Variants in CPXM2 observed in about 807,000 individuals in gnomAD.
CPXM2 encodes the protein carboxypeptidase X, M14 family member 2, also known as inactive carboxypeptidase-like protein X2.
A neutral mutation model predicts 86.1 loss-of-function variants in CPXM2; 66 were observed. The observed-to-expected ratio is 0.77, with a 90% CI of 0.63 to 0.94. The LOEUF is 0.94. Among genes scored for constraint, CPXM2 ranks in the 40% least tolerant of loss-of-function variants. The pLI is 0.00. For missense variants in CPXM2, 948 were observed against 1,026.3 expected, an observed-to-expected ratio of 0.92 and a Z score of 1.04; for synonymous variants, 388 against 400.2, an observed-to-expected ratio of 0.97 and a Z score of 0.36.
intron 1 of CPXM2, among the ~76,000 whole-genome samples, chr10:123,884,607 G>T (rs576199316): frequency 2.6e-5 from 4 of 152,188 alleles, no homozygotes; most frequent in South Asian, 2.1e-4. Flanking sequence ...AGCCCGGGGG[G>T]AGGCTGTGGG....
At chr10:123,825,215 G>A (rs893562326) in intron 4 of CPXM2, among the ~76,000 whole-genome samples, 3 of 152,180 alleles carry the variant, frequency 2.0e-5, no homozygotes, top group Non-Finnish European at 4.4e-5. Flanking sequence ...CAGTGTGTAT[G>A]TGTGTATGTA....
chr10:123,867,098 C>G (rs1944804615), intron 2 of CPXM2, among the ~76,000 whole-genome samples: 1 of 152,218 alleles, frequency 6.6e-6, no homozygotes, highest in African/African-American at 2.4e-5. Context: ...TACCCACCTT[C>G]CCCAAATCCC....
Position 123,854,949 on chromosome 10 carries a change from G to A in CPXM2, c.513+7665C>T, listed in dbSNP as rs557417449. On this transcript the variant is annotated intron_variant, in intron 3 of 13. Transcript: ENST00000241305. ...TTCCTTAATAATCTGTGGTTCATGG[G>A]TCAAGGAGGCTTTGGTGGTTTTGGA... is the stretch of plus-strand genomic sequence containing the variant. Among the ~76,000 whole-genome samples the A allele has an allele frequency of 5.9e-5, 9 of 152,058 alleles. No individual in the cohort carries two copies. The South Asian group carries it at 1.9e-3, about 32-fold the overall frequency.
At chr10:123,827,678 TC>T (rs562135454) in intron 4 of CPXM2, among the ~76,000 whole-genome samples, 10 of 152,236 alleles carry the variant, frequency 6.6e-5, no homozygotes, top group Non-Finnish European at 1.5e-4. Flanking sequence ...CCTACCAAGT[TC>T]CTAGTAAGAT....
At chr10:123,764,128 T>A (rs1182823222) in intron 10 of CPXM2, among the ~76,000 whole-genome samples, 1 of 152,220 alleles carries the variant, frequency 6.6e-6, no homozygotes, top group East Asian at 1.9e-4. Context: ...TACTGAATTG[T>A]TCATATTTTT....
intron 2 of CPXM2, 66 bp downstream of exon 2, chr10:123,880,145 T>TAC: frequency 2.5e-6 from 1 of 407,578 alleles, no homozygotes; most frequent in Non-Finnish European, 4.8e-6. Context: ...CAGGGGCCTG[T>TAC]ACCCACCCAC....
At chr10:123,895,121 CTTTTTTTT>C (rs869104432), upstream of CPXM2, among the ~76,000 whole-genome samples, 4 of 85,878 alleles carry the variant, frequency 4.7e-5, no homozygotes, top group East Asian at 5.9e-4. Flanking sequence ...TCTTTTTTTT[CTTTTTTTT>C]TTTTTTTTTT....
intron 6 of CPXM2, 85 bp from the exon 7 acceptor site, chr10:123,780,340 G>T: frequency 1.1e-6 from 1 of 900,638 alleles, no homozygotes; most frequent in Non-Finnish European, 1.9e-6. Flanking sequence ...GGGACTGCAC[G>T]GACAGTGCAG....
chr10:123,866,004 C>G (rs1848970888), intron 2 of CPXM2, among the ~76,000 whole-genome samples: 1 of 152,166 alleles, frequency 6.6e-6, no homozygotes, highest in Non-Finnish European at 1.5e-5. Context: ...CACCCCCACA[C>G]CACACACAGC....
chr10:123,818,556 G>A (rs1215831955), intron 4 of CPXM2, among the ~76,000 whole-genome samples: 1 of 152,206 alleles, frequency 6.6e-6, no homozygotes, highest in Non-Finnish European at 1.5e-5. Context: ...CTTCTGCCAA[G>A]ACTACCATCT....
intron 2 of CPXM2, among the ~76,000 whole-genome samples, chr10:123,906,990 G>A (rs571800139): frequency 6.6e-6 from 1 of 152,290 alleles, no homozygotes; most frequent in East Asian, 1.9e-4. Flanking sequence ...CTACCCATCT[G>A]AAGTTCACCT....
intron 4 of CPXM2, among the ~76,000 whole-genome samples, chr10:123,805,664 C>T (rs560940326): frequency 2.0e-5 from 3 of 152,036 alleles, no homozygotes; most frequent in Non-Finnish European, 4.4e-5. Flanking sequence ...AAAACAATAT[C>T]GGCTCTGTAA....
At chr10:123,810,691 A>C (rs1366983935) in intron 4 of CPXM2, among the ~76,000 whole-genome samples, 1 of 152,162 alleles carries the variant, frequency 6.6e-6, no homozygotes, top group African/African-American at 2.4e-5. Context: ...ATTTTAAAAG[A>C]CATACATAAG....
intron 7 of CPXM2, among the ~76,000 whole-genome samples, chr10:123,771,396 C>A (rs1846626965): frequency 6.6e-6 from 1 of 152,070 alleles, no homozygotes; most frequent in African/African-American, 2.4e-5. Context: ...ACCTAATGCC[C>A]AATGCATGAA....
At chr10:123,815,031 A>G (rs999345759) in intron 4 of CPXM2, among the ~76,000 whole-genome samples, 9 of 152,212 alleles carry the variant, frequency 5.9e-5, no homozygotes, top group African/African-American at 1.9e-4. Flanking sequence ...TCTAAAAAAG[A>G]AAAAAGATTT....
chr10:123,873,605 C>T (rs1426232256), intron 2 of CPXM2, among the ~76,000 whole-genome samples: 1 of 152,096 alleles, frequency 6.6e-6, no homozygotes, highest in East Asian at 1.9e-4. Context: ...TCCTGCTCTA[C>T]CAGATGTCAA....
At chr10:123,816,788 G>A (rs932991107) in intron 4 of CPXM2, among the ~76,000 whole-genome samples, 7 of 152,130 alleles carry the variant, frequency 4.6e-5, no homozygotes, top group African/African-American at 9.7e-5. Flanking sequence ...TTAACTCTCC[G>A]GCTTTGTATC....
chr10:123,842,377 T>C lies in CPXM2; in HGVS notation c.625A>G (p.Ile209Val). 6.2e-7 allele frequency: 1 copy of C among 1,614,272 alleles called. No homozygotes were observed. Among genetic ancestry groups the C allele is most frequent in the Non-Finnish European group, 8.5e-7 (1 of 1,180,050 alleles). ...CAGAGGGAGTTCCTCCCTTGAGTGA[T>C]GACACCAGTGAATCTGGTCAGGCGC... ...ARRLTRFTGV[I>V]TQGRNSLWLS... is the part of the protein sequence containing the mutation. The change falls in exon 4 of 14, where the codon ATC becomes GTC. Residue 209 changes from isoleucine to valine, a missense_variant. Coordinates refer to ENST00000241305, the MANE Select transcript of CPXM2 (RefSeq NM_198148.3).
At chr10:123,805,731 C>T (rs892222436) in intron 4 of CPXM2, among the ~76,000 whole-genome samples, 2 of 151,566 alleles carry the variant, frequency 1.3e-5, no homozygotes, top group Admixed American at 6.6e-5. Flanking sequence ...TGATCACTGC[C>T]AATATTAAGA....
Sources: gnomAD v4.1 joint callset for allele counts (sites outside exome capture counted in the v4.1 genomes callset) on GRCh38, gnomAD v4.1.1 for gene constraint, MANE v1.5 for transcripts, NCBI Gene and HGNC (gene_info 2026-07-23, HGNC 2026-07-21) for gene names.